PAK5: variants seen among roughly 807,000 people sequenced by gnomAD.
PAK5 encodes serine/threonine-protein kinase PAK 5.
A neutral mutation model predicts 65.9 loss-of-function variants in PAK5; 16 were observed. The ratio of observed to expected loss-of-function variants is 0.24; its 90% confidence interval spans 0.16 to 0.37. PAK5 has a LOEUF of 0.37. PAK5 is among the 10% of genes least tolerant of loss of function. The probability of loss-of-function intolerance (pLI) is 1.00; values close to 1 mark genes in which losing one functional copy is unlikely to be tolerated. For synonymous variants in PAK5, 371 were observed against 354.9 expected (o/e 1.05, Z -0.51); for missense variants, 785 against 903.9 (o/e 0.87, Z 1.69).
chr20:9,632,733 C>T (rs1000455605), intron 3 of PAK5, among the ~76,000 whole-genome samples: 1 of 152,170 alleles, frequency 6.6e-6, no homozygotes, highest in African/African-American at 2.4e-5. Context: ...CTGTGCCTAC[C>T]TGAGTCTTAG....
At chr20:9,727,134 T>C (rs2048286320) in intron 1 of PAK5, among the ~76,000 whole-genome samples, 1 of 152,166 alleles carries the variant, frequency 6.6e-6, no homozygotes, top group Non-Finnish European at 1.5e-5. Context: ...ACTTCAACAT[T>C]TTTCTAATTG....
chr20:9,582,034 G>A (rs368286391), intron 3 of PAK5, among the ~76,000 whole-genome samples: 5 of 152,150 alleles, frequency 3.3e-5, no homozygotes, highest in South Asian at 2.1e-4. Flanking sequence ...AAGAGTCCTG[G>A]ACTAATAGTT....
intron 2 of PAK5, among the ~76,000 whole-genome samples, chr20:9,679,986 T>C (rs1289234598): frequency 1.3e-5 from 2 of 152,228 alleles, no homozygotes; most frequent in East Asian, 3.9e-4. Context: ...CCCTGTGGCA[T>C]GTAATCTAGG....
intron 1 of PAK5, among the ~76,000 whole-genome samples, chr20:9,724,086 A>G (rs1343995536): frequency 1.3e-5 from 2 of 152,210 alleles, no homozygotes; most frequent in African/African-American, 4.8e-5. Flanking sequence ...GAAAATTTGT[A>G]ACAGAAACTG....
At chr20:9,820,380 C>T (rs1022866669) in intron 1 of PAK5, among the ~76,000 whole-genome samples, 4 of 152,146 alleles carry the variant, frequency 2.6e-5, no homozygotes, top group African/African-American at 9.7e-5. Context: ...TGGGCCACAA[C>T]CTATTTTTAT....
At chr20:9,749,498 C>T (rs1364011142) in intron 1 of PAK5, among the ~76,000 whole-genome samples, 1 of 152,070 alleles carries the variant, frequency 6.6e-6, no homozygotes, top group Non-Finnish European at 1.5e-5. Context: ...GTACATAGCA[C>T]CTGTCCAGGG....
chr20:9,684,852 G>T (rs2123414694), intron 2 of PAK5, among the ~76,000 whole-genome samples: 1 of 152,252 alleles, frequency 6.6e-6, no homozygotes, highest in South Asian at 2.1e-4. Flanking sequence ...ATGTCCACTG[G>T]GGATCTTTGG....
chr20:9,772,463 A>G (rs62192913), intron 1 of PAK5, among the ~76,000 whole-genome samples: 117,417 of 151,626 alleles, frequency 0.77, 45,399 homozygotes, highest in East Asian at 0.87. Context: ...GATGTATGCC[A>G]TTGGTCAGAG....
At chr20:9,601,069 T>C (rs1183912974) in intron 3 of PAK5, among the ~76,000 whole-genome samples, 1 of 152,126 alleles carries the variant, frequency 6.6e-6, no homozygotes, top group African/African-American at 2.4e-5. Flanking sequence ...CAGAGCTCTC[T>C]CTTATATCTA....
intron 2 of PAK5, among the ~76,000 whole-genome samples, chr20:9,668,574 A>T (rs558380882): frequency 1.3e-3 from 205 of 152,328 alleles, no homozygotes; most frequent in Non-Finnish European, 2.4e-3. Flanking sequence ...GACCAGTAAC[A>T]AGGGGACTGG....
intron 2 of PAK5, among the ~76,000 whole-genome samples, chr20:9,691,912 C>A (rs1045671202): frequency 2.0e-5 from 3 of 152,188 alleles, no homozygotes; most frequent in Non-Finnish European, 4.4e-5. Context: ...ATTTGACAGG[C>A]AATCACAGCC....
intron 1 of PAK5, among the ~76,000 whole-genome samples, chr20:9,771,975 A>T (rs6056857): frequency 0.77 from 117,555 of 152,028 alleles, 45,482 homozygotes; most frequent in East Asian, 0.87. Flanking sequence ...GAGGCCGAAG[A>T]TACAGTGAAC....
intron 1 of PAK5, among the ~76,000 whole-genome samples, chr20:9,787,705 T>C (rs899684273): frequency 1.3e-4 from 19 of 151,736 alleles, no homozygotes; most frequent in African/African-American, 4.6e-4. Context: ...AACTACTGGC[T>C]TTCCAAAAAA....
chr20:9,831,815 T>G (rs1401381730), intron 1 of PAK5, among the ~76,000 whole-genome samples: 1 of 152,296 alleles, frequency 6.6e-6, no homozygotes, highest in African/African-American at 2.4e-5. Flanking sequence ...GCCTACTACA[T>G]TTTTTAAAAT....
At chr20:9,644,413 A>C in intron 2 of PAK5, 74 bp from the exon 3 acceptor site, 1 of 948,072 alleles carries the variant, frequency 1.1e-6, no homozygotes, top group Non-Finnish European at 1.6e-6. Context: ...GCTATTGTTA[A>C]TTCACTCAGG....
At position 9,725,361 on chromosome 20, in the gene PAK5, GC is replaced by G. The variant is rs889041849; in HGVS notation, c.-161-13927del. ...AACAAGAGAGAAATTAAACTTTTCT[GC>G]TTTGATTGCATAAAAATAAGACTGT... On this transcript the variant is annotated intron_variant, in intron 1 of 9. Coordinates refer to ENST00000353224, the MANE Select transcript of PAK5 (RefSeq NM_177990.4). Among the ~76,000 whole-genome samples, 115 of 152,170 alleles carry G rather than the reference GC, an allele frequency of 7.6e-4. 1 individual carries two copies. The highest frequency in any genetic ancestry group is 2.6e-3 in the African/African-American group (108 of 41,504).
intron 1 of PAK5, among the ~76,000 whole-genome samples, chr20:9,744,837 T>C (rs1438785997): frequency 6.6e-6 from 1 of 152,204 alleles, no homozygotes; most frequent in Admixed American, 6.5e-5. Context: ...AAATTTCAAG[T>C]TTTGTTTTTC....
At chr20:9,644,096 C>CCCAG in intron 3 of PAK5, 29 bp downstream of exon 3, 1 of 1,568,450 alleles carries the variant, frequency 6.4e-7, no homozygotes, top group South Asian at 1.1e-5. Context: ...GATTCTTAAG[C>CCCAG]CCAGCCAAAG....
chr20:9,622,273 A>G (rs1183007166), intron 3 of PAK5, among the ~76,000 whole-genome samples: 2 of 152,244 alleles, frequency 1.3e-5, no homozygotes, highest in Non-Finnish European at 2.9e-5. Context: ...TTCCCTTTCA[A>G]TATGGTACCC....
Sources: gnomAD v4.1 joint callset for allele counts (sites outside exome capture counted in the v4.1 genomes callset) on GRCh38, gnomAD v4.1.1 for gene constraint, MANE v1.5 for transcripts, NCBI Gene and HGNC (gene_info 2026-07-23, HGNC 2026-07-21) for gene names.